The following KCNAB1 variants were observed in gnomAD, a reference collection of about 807,000 sequenced individuals.
The protein encoded by KCNAB1 is voltage-gated potassium channel subunit beta-1.
In KCNAB1, 35 loss-of-function variants were observed where a neutral mutation model predicts 64.6. The ratio of observed to expected loss-of-function variants is 0.54; its 90% confidence interval spans 0.41 to 0.72. The LOEUF (loss-of-function observed/expected upper bound fraction) is 0.72. Ranked by LOEUF, KCNAB1 falls within the 30% of genes least tolerant of loss-of-function variation. The pLI is 0.00. For synonymous variants in KCNAB1, 177 were observed against 183.8 expected, an observed-to-expected ratio of 0.96 and a Z score of 0.30; for missense variants, 401 against 512.9, an observed-to-expected ratio of 0.78 and a Z score of 2.11.
chr3:156,190,426 G>C (rs1013472511), intron 1 of KCNAB1, among the ~76,000 whole-genome samples: 1 of 151,420 alleles, frequency 6.6e-6, no homozygotes, highest in African/African-American at 2.4e-5. Flanking sequence ...AGCATCAAAA[G>C]TAGAAAAAAA....
chr3:156,533,953 T>G (rs1718877300), intron 13 of KCNAB1, among the ~76,000 whole-genome samples: 1 of 152,158 alleles, frequency 6.6e-6, no homozygotes, highest in Non-Finnish European at 1.5e-5. Flanking sequence ...GAGTAATTTT[T>G]CTTCCCAAAA....
chr3:156,175,951 G>A (rs2108334856), intron 1 of KCNAB1: 1 of 984,322 alleles, frequency 1.0e-6, no homozygotes, highest in South Asian at 1.3e-5. Flanking sequence ...AGCATGGCCG[G>A]GCAGCTCATA....
At chr3:156,430,641 A>G (rs1264823391) in intron 2 of KCNAB1, among the ~76,000 whole-genome samples, 1 of 152,168 alleles carries the variant, frequency 6.6e-6, no homozygotes, top group Non-Finnish European at 1.5e-5. Context: ...GGCCAGTGTT[A>G]GAGACAGCAG....
chr3:156,338,251 G>C (rs1359683721), intron 1 of KCNAB1, among the ~76,000 whole-genome samples: 1 of 146,928 alleles, frequency 6.8e-6, no homozygotes, highest in Non-Finnish European at 1.5e-5. Flanking sequence ...GAAAACAGTG[G>C]CCCACTTTCC....
chr3:156,430,228 A>G (rs1454548588), intron 2 of KCNAB1, among the ~76,000 whole-genome samples: 2 of 152,186 alleles, frequency 1.3e-5, no homozygotes, highest in Non-Finnish European at 2.9e-5. Context: ...GCAACCTAAT[A>G]TTTCACACGC....
intron 1 of KCNAB1, among the ~76,000 whole-genome samples, chr3:156,219,447 A>C (rs1715551264): frequency 6.6e-6 from 1 of 152,140 alleles, no homozygotes; most frequent in Admixed American, 6.5e-5. Flanking sequence ...AAAACCTCCG[A>C]GAAATTTGGA....
rs1714195390 is a variant in KCNAB1 at position 156,474,565 on chromosome 3, T to C, written c.572-169T>C. On this transcript the variant is annotated intron_variant, in intron 7 of 13. Coordinates refer to ENST00000490337, the MANE Select transcript of KCNAB1 (RefSeq NM_172160.3). ...TTTATTGGGGGAAGTCAGCCTTTCA[T>C]ATATTTTTAAAACGTTCTAGAGTCA... 1.3e-5 allele frequency: 6 copies of C among 471,512 alleles called. No individual in the cohort carries two copies. In the East Asian group the frequency reaches 2.1e-4, roughly 17 times the overall value. 29.2% of individuals were successfully genotyped at this position (471,512 alleles called of 1,614,324 possible).
intron 12 of KCNAB1, among the ~76,000 whole-genome samples, chr3:156,524,615 T>C (rs567464212): frequency 2.5e-3 from 377 of 150,868 alleles, no homozygotes; most frequent in South Asian, 5.1e-3. Context: ...GGCGTGGTGG[T>C]GGGTGCCTGT....
At chr3:156,245,072 C>G (rs1368829692) in intron 1 of KCNAB1, among the ~76,000 whole-genome samples, 1 of 152,194 alleles carries the variant, frequency 6.6e-6, no homozygotes, top group Non-Finnish European at 1.5e-5. Context: ...TTACCATCAC[C>G]TCTTCTTCAC....
At chr3:156,177,458 G>A (rs188199166) in intron 1 of KCNAB1, among the ~76,000 whole-genome samples, 6 of 151,504 alleles carry the variant, frequency 4.0e-5, no homozygotes, top group Non-Finnish European at 8.8e-5. Flanking sequence ...CTCACAGCAA[G>A]CTCCGCCTTC....
rs1719115219 is a variant in KCNAB1 at position 156,537,187 on chromosome 3, C to A, written c.*440C>A. On this transcript the variant is annotated 3_prime_UTR_variant, in exon 14 of 14. Transcript: ENST00000490337. ...GAAGGAAAGGAATTGAGAGATTTTTCTTAGTAAATAGATTATTGTTAAGTA... is the reference window on the plus strand; with the variant it reads ...GAAGGAAAGGAATTGAGAGATTTTTATTAGTAAATAGATTATTGTTAAGTA... 2.5e-6 allele frequency: 1 copy of A among 394,224 alleles called. No individual in the cohort carries two copies. The highest frequency in any genetic ancestry group is 2.1e-5 in the African/African-American group (1 of 48,240). 24.4% of individuals were successfully genotyped at this position (394,224 alleles called of 1,614,324 possible).
chr3:156,489,728 G>T (rs73873401), intron 8 of KCNAB1, among the ~76,000 whole-genome samples: 1,622 of 152,162 alleles, frequency 0.011, 26 homozygotes, highest in African/African-American at 0.036. Context: ...AAGTGTCAGT[G>T]AACTGAAAAC....
chr3:156,159,925 A>G (rs1195145926), intron 1 of KCNAB1, among the ~76,000 whole-genome samples: 1 of 152,256 alleles, frequency 6.6e-6, no homozygotes, highest in African/African-American at 2.4e-5. Context: ...CCTTCTCTAA[A>G]GAAATTCTAA....
intron 1 of KCNAB1, among the ~76,000 whole-genome samples, chr3:156,248,818 T>A (rs1450168067): frequency 6.6e-6 from 1 of 152,208 alleles, no homozygotes; most frequent in Non-Finnish European, 1.5e-5. Flanking sequence ...CTCCACGTGA[T>A]ATGAGCCCTT....
intron 2 of KCNAB1, among the ~76,000 whole-genome samples, chr3:156,431,852 C>G (rs540688331): frequency 1.3e-5 from 2 of 152,340 alleles, no homozygotes; most frequent in South Asian, 4.1e-4. Context: ...TATTCTCAAG[C>G]TGTCCTGAAA....
chr3:156,435,831 AT>A (rs1716548935), intron 2 of KCNAB1, among the ~76,000 whole-genome samples: 1 of 151,258 alleles, frequency 6.6e-6, no homozygotes, highest in South Asian at 2.1e-4. Flanking sequence ...GTTCAGTTCT[AT>A]TTTTCATGGC....
At chr3:156,229,932 G>A (rs948175058) in intron 1 of KCNAB1, among the ~76,000 whole-genome samples, 7 of 152,102 alleles carry the variant, frequency 4.6e-5, no homozygotes, top group African/African-American at 1.7e-4. Flanking sequence ...AGTTGGCATA[G>A]TATGGGAAAA....
intron 1 of KCNAB1, among the ~76,000 whole-genome samples, chr3:156,290,600 C>T (rs1720344537): frequency 6.6e-6 from 1 of 152,192 alleles, no homozygotes; most frequent in Admixed American, 6.5e-5. Context: ...CAGGGATGTC[C>T]TACTGCCCAC....
intron 11 of KCNAB1, 117 bp from the exon 12 acceptor site, chr3:156,523,710 A>G (rs1038066016): frequency 3.0e-5 from 29 of 951,828 alleles, no homozygotes; most frequent in South Asian, 8.1e-5. Flanking sequence ...AGTGTGAAAC[A>G]TAAGGGTCAA....
Sources: allele counts gnomAD v4.1 joint callset (sites outside exome capture counted in the v4.1 genomes callset), GRCh38; gene constraint gnomAD v4.1.1; transcripts MANE v1.5; gene names NCBI Gene and HGNC (gene_info 2026-07-23, HGNC 2026-07-21).